The following NSD2 variants were observed in gnomAD, a reference collection of about 807,000 sequenced individuals.
The protein encoded by NSD2 is histone-lysine N-methyltransferase NSD2.
NSD2 carries 12 observed loss-of-function variants against 139.0 expected under a neutral mutation model. That is an observed-to-expected ratio of 0.09 (90% CI 0.06 to 0.14). The LOEUF is 0.14. Ranked by LOEUF, NSD2 falls within the 10% of genes least tolerant of loss-of-function variation. NSD2 has a pLI of 1.00. For missense variants in NSD2, 1,155 were observed against 1,745.0 expected (o/e 0.66, Z 6.02); for synonymous variants, 669 against 648.7 (o/e 1.03, Z -0.48).
chr4:1,974,802 TC>T lies in NSD2; in HGVS notation c.3373-58del, dbSNP rs1726899743. ...CAATGTGCTTTATGATGGTGAAAAT[TC>T]CCTTTAAAAATAACATGCGATTGCT... On this transcript the variant is annotated intron_variant, in intron 18 of 21. Transcript: ENST00000508803. The surrounding 1 kb of genome is among the most constrained non-coding windows in gnomAD (Gnocchi z 4.0). The T allele has an allele frequency of 6.2e-7, 1 of 1,607,506 alleles. No homozygotes were observed. The highest frequency in any genetic ancestry group is 8.5e-7 in the Non-Finnish European group (1 of 1,174,550).
At chr4:1,872,591 T>TGTGTGTGTGTGTGTGAGAGAGA (rs1281608141) in intron 1 of NSD2, among the ~76,000 whole-genome samples, 1 of 44,836 alleles carries the variant, frequency 2.2e-5, no homozygotes, top group African/African-American at 7.0e-5. Flanking sequence ...TGTGTGTGTG[T>TGTGTGTGTGTGTGTGAGAGAGA]GAGAGAGAGA....
chr4:1,888,964 C>G (rs1241348248), intron 1 of NSD2, among the ~76,000 whole-genome samples: 1 of 147,094 alleles, frequency 6.8e-6, no homozygotes, highest in African/African-American at 2.5e-5. Context: ...GTGGCATGAT[C>G]TCGGCTCACT....
At chr4:1,941,711 G>A (rs1723116154) in intron 9 of NSD2, 1 of 1,046,214 alleles carries the variant, frequency 9.6e-7, no homozygotes, top group Non-Finnish European at 1.2e-6. Flanking sequence ...TAAATTACTG[G>A]GTCTTTTCCA....
At position 1,981,261 on chromosome 4, in the gene NSD2, C is replaced by T. The variant is rs1471813058; in HGVS notation, c.*2352C>T. On this transcript the variant is annotated 3_prime_UTR_variant, in exon 22 of 22. Transcript: ENST00000508803. ...ACTAACTTTGAATGTCTCTACAATA[C>T]CCGTTGATAACTCAGTGGAGCCAGG... is the stretch of plus-strand genomic sequence containing the variant. 1 of 233,168 alleles carries T rather than the reference C, an allele frequency of 4.3e-6. No homozygotes were observed. Among genetic ancestry groups the T allele is most frequent in the South Asian group, 1.8e-4 (1 of 5,532 alleles). 14.4% of individuals were successfully genotyped at this position (233,168 alleles called of 1,614,324 possible). A position where few individuals can be genotyped will look rare whatever the true frequency, so the allele number is the denominator to read the frequency against.
rs867892914 is a variant in NSD2, at chr4:1,916,491, G to A, written c.761-380G>A. 3.9e-5 allele frequency among the ~76,000 whole-genome samples: 6 copies of A among 152,244 alleles called. No individual in the cohort carries two copies. The South Asian group carries it at 1.2e-3, about 32-fold the overall frequency. On this transcript the variant is annotated intron_variant, in intron 3 of 21. Coordinates refer to ENST00000508803, the MANE Select transcript of NSD2 (RefSeq NM_001042424.3). ...CTCCAGAGTAGCTGGGACTACAGGT[G>A]CACACCACCACACCCGGCTAATTTT...
In NSD2 at chr4:1,972,207, C is replaced by T. The variant is rs1726563404; in HGVS notation, c.3373-2656C>T. 6.6e-6 allele frequency among the ~76,000 whole-genome samples: 1 copy of T among 152,102 alleles called. No individual in the cohort carries two copies. Among genetic ancestry groups the T allele is most frequent in the African/African-American group, 2.4e-5 (1 of 41,414 alleles). On this transcript the variant is annotated intron_variant, in intron 18 of 21. Transcript: ENST00000508803. The surrounding 1 kb of genome is among the most constrained non-coding windows in gnomAD (Gnocchi z 4.0). ...TGCAGAGCCACAAAGAGCATTGATGCGTGTATTGAATGGAGCAGGCTTCTG... is the reference window on the plus strand; with the variant it reads ...TGCAGAGCCACAAAGAGCATTGATGTGTGTATTGAATGGAGCAGGCTTCTG...
At chr4:1,975,028 TG>T in intron 19 of NSD2, 24 bp downstream of exon 19, 1 of 1,613,664 alleles carries the variant, frequency 6.2e-7, no homozygotes, top group Non-Finnish European at 8.5e-7. Context: ...GGACCCTGCA[TG>T]GGGCTCCTGG....
rs1723015897 is a variant in NSD2, at chr4:1,940,826, C to T, written c.1881+1048C>T. On this transcript the variant is annotated intron_variant, in intron 9 of 21. Transcript: ENST00000508803. The stretch of plus-strand genomic sequence containing the variant: ...ACTCATTAGAGGAGTGTAGGCCTTC[C>T]AGTGCAGGAAGGTCAGGGACCTAGG... 9 of 1,057,226 alleles carry T rather than the reference C, an allele frequency of 8.5e-6. No homozygotes were observed. The African/African-American group carries it at 1.2e-4, about 14-fold the overall frequency. The allele number at this position is 1,057,226 out of a possible 1,614,324, so 65.5% of individuals were successfully genotyped here.
chr4:1,909,316 G>C (rs563125080), intron 3 of NSD2, among the ~76,000 whole-genome samples: 1 of 152,034 alleles, frequency 6.6e-6, no homozygotes, highest in Non-Finnish European at 1.5e-5. Flanking sequence ...GGTTCTTTGA[G>C]TACAGAATAG....
At position 1,929,835 on chromosome 4, in the gene NSD2, T is replaced by G. The variant is rs375961181; in HGVS notation, c.1411-791T>G. ...AACCCCTGGGAAACCTTTAACTCAC[T>G]GAGGCCAGACCCGGTGGGTTGGGTT... is the stretch of plus-strand genomic sequence containing the variant. On this transcript the variant is annotated intron_variant, in intron 5 of 21. Transcript: ENST00000508803. Among the ~76,000 whole-genome samples the G allele has an allele frequency of 2.0e-5, 3 of 152,222 alleles. No individual in the cohort carries two copies. The South Asian group carries it at 6.2e-4, about 32-fold the overall frequency.
chr4:1,929,787 C>G (rs962831147), intron 5 of NSD2, among the ~76,000 whole-genome samples: 2 of 152,274 alleles, frequency 1.3e-5, no homozygotes, highest in East Asian at 3.9e-4. Context: ...ATCCGTGGCT[C>G]TCGGACTTGG....
chr4:1,945,175 A>T (rs1417929126), intron 9 of NSD2: 1 of 1,065,548 alleles, frequency 9.4e-7, no homozygotes, highest in Non-Finnish European at 1.1e-6. Flanking sequence ...TACTTCACAC[A>T]GAAGCCTAGG....
At chr4:1,975,168 C>A in intron 19 of NSD2, 126 bp from the exon 20 acceptor site, 1 of 1,397,228 alleles carries the variant, frequency 7.2e-7, no homozygotes, top group Non-Finnish European at 9.9e-7. Flanking sequence ...AATTGAAAGG[C>A]CATGGGTCAA....
chr4:1,924,755 AAAAAC>A (rs1415290815), intron 5 of NSD2, among the ~76,000 whole-genome samples: 26 of 151,974 alleles, frequency 1.7e-4, no homozygotes, highest in South Asian at 4.2e-4. Context: ...CTACAAAAAA[AAAAAC>A]AAAACAAAAC....
In NSD2 at chr4:1,938,456, C is replaced by G. The variant is rs1434444449; in HGVS notation, c.1680C>G (p.Asp560Glu). The change falls in exon 8 of 22, where the codon GAC becomes GAG. Residue 560 changes from aspartate to glutamate, a missense_variant. By Grantham distance (45) the Asp-to-Glu change is conservative (BLOSUM62 2). This residue lies in a region of NSD2 where 420 missense variants were observed against 469.0 expected (regional missense o/e 0.90). Transcript: ENST00000508803. Reference sequence around the variant, plus strand: ...TTTTTTTTTTTAAATAATAGAGAGACACAATCACTGACAAAACGGCCAGAA... The same window carrying G: ...TTTTTTTTTTTAAATAATAGAGAGAGACAATCACTGACAAAACGGCCAGAA... ...RTDKHSLRKR[D>E]TITDKTARTS... 7.9e-6 allele frequency: 6 copies of G among 763,250 alleles called. 1 individual carries two copies. The highest frequency in any genetic ancestry group is 9.0e-5 in the East Asian group (2 of 22,280). The allele number at this position is 763,250 out of a possible 1,614,324, so 47.3% of individuals were successfully genotyped here.
At chr4:1,950,281 A>C (rs977818213) in intron 9 of NSD2, among the ~76,000 whole-genome samples, 2 of 152,190 alleles carry the variant, frequency 1.3e-5, no homozygotes, top group African/African-American at 4.8e-5. Flanking sequence ...TATTAAATGA[A>C]GGGGAGAGAG....
At chr4:1,930,499 C>G in intron 5 of NSD2, 127 bp from the exon 6 acceptor site, 2 of 1,008,440 alleles carry the variant, frequency 2.0e-6, no homozygotes, top group Non-Finnish European at 1.4e-6. Flanking sequence ...GGACATAGTT[C>G]CACGATGTGG....
At chr4:1,967,009 A>G (rs1439342670) in intron 18 of NSD2, among the ~76,000 whole-genome samples, 1 of 152,224 alleles carries the variant, frequency 6.6e-6, no homozygotes, top group Non-Finnish European at 1.5e-5. Flanking sequence ...AAGATCAATA[A>G]AATTGACAAA....
intron 21 of NSD2, 108 bp from the exon 22 acceptor site, chr4:1,978,530 T>TA: frequency 6.8e-7 from 1 of 1,466,412 alleles, no homozygotes; most frequent in African/African-American, 1.4e-5. Flanking sequence ...GAGCCAGCAC[T>TA]ATTTTGTGTT....
Sources: gnomAD v4.1 joint callset for allele counts (sites outside exome capture counted in the v4.1 genomes callset) on GRCh38, gnomAD v4.1.1 for gene constraint, gnomAD v4.1.1 regional missense constraint, Gnocchi (gnomAD v3.1) non-coding constraint, MANE v1.5 for transcripts, NCBI Gene and HGNC (gene_info 2026-07-23, HGNC 2026-07-21) for gene names.